Variants in HPGD observed in about 807,000 individuals in gnomAD.
HPGD encodes the protein 15-hydroxyprostaglandin dehydrogenase [NAD(+)].
In HPGD, 29 loss-of-function variants were observed where a neutral mutation model predicts 30.0. That is an observed-to-expected ratio of 0.97 (90% CI 0.72 to 1.32). The LOEUF is 1.32. Ranked by LOEUF, HPGD falls within the 40% of genes most tolerant of loss-of-function variation. The probability of loss-of-function intolerance (pLI) is 0.00; values close to 1 mark genes in which losing one functional copy is unlikely to be tolerated. For synonymous variants in HPGD, 99 were observed against 112.4 expected, an observed-to-expected ratio of 0.88 and a Z score of 0.75; for missense variants, 340 against 322.1, an observed-to-expected ratio of 1.06 and a Z score of -0.43.
chr4:174,504,349 C>T (rs1222482230), intron 4 of HPGD, among the ~76,000 whole-genome samples: 3 of 152,018 alleles, frequency 2.0e-5, no homozygotes, highest in Admixed American at 2.0e-4. Context: ...CTGGAGACTC[C>T]AATGTTTTGA....
At chr4:174,517,891 G>T in intron 3 of HPGD, 80 bp downstream of exon 3, 1 of 747,420 alleles carries the variant, frequency 1.3e-6, no homozygotes, top group Non-Finnish European at 2.3e-6. Flanking sequence ...TTGTTTCCAT[G>T]ACTCCAAGAA....
Position 174,493,314 on chromosome 4 carries a change from A to G in HPGD, c.499T>C (p.Leu167=), listed in dbSNP as rs1291603160. 6.2e-7 allele frequency: 1 copy of G among 1,613,014 alleles called. No individual in the cohort carries two copies. The change falls in exon 6 of 7, where the codon TTG becomes CTG. Residue 167 remains leucine (L), a splice_region_variant and synonymous_variant. Transcript: ENST00000296522. Reference sequence around the variant, plus strand: ...CCACTGTTCATAAGATTAGCAGCCAACTGCCAATTAGAAGGTTGTAGGTTT... The same window carrying G: ...CCACTGTTCATAAGATTAGCAGCCAGCTGCCAATTAGAAGGTTGTAGGTTT... ...GIVGFTRSAA[L]AANLMNSGVR... is the part of the protein sequence containing the mutation.
At chr4:174,522,299 G>A in intron 1 of HPGD, 60 bp downstream of exon 1, 1 of 1,481,986 alleles carries the variant, frequency 6.7e-7, no homozygotes. Context: ...ACCTCGGGCG[G>A]CGGGGCGAGT....
chr4:174,493,149 A>G lies in HPGD; in HGVS notation c.662+2T>C, dbSNP rs1579268244. On this transcript the variant is annotated splice_donor_variant, in intron 6 of 6. Coordinates refer to ENST00000296522, the MANE Select transcript of HPGD (RefSeq NM_000860.6). LOFTEE classifies it high-confidence loss of function. ...AAAGAAAATAGACATAGTTTTACTT[A>G]CTCCAAAATTCCATAGTATTTAATC... 4 of 1,574,834 alleles carry G rather than the reference A, an allele frequency of 2.5e-6. No individual in the cohort carries two copies. In the East Asian group the frequency reaches 9.0e-5, roughly 36 times the overall value.
intron 4 of HPGD, among the ~76,000 whole-genome samples, chr4:174,497,567 T>TC (rs1734662334): frequency 4.5e-5 from 3 of 66,894 alleles, no homozygotes; most frequent in Non-Finnish European, 6.0e-5. Context: ...TCTTTTTCTT[T>TC]CTTTTTTTTT....
chr4:174,511,072 TTACCTTCCTCCCTGGGAAGCTCA>T (rs1348541572), intron 3 of HPGD, among the ~76,000 whole-genome samples: 1 of 152,178 alleles, frequency 6.6e-6, no homozygotes, highest in East Asian at 1.9e-4. Flanking sequence ...GATAGGGAGT[TTACCTTCCTCCCTGGGAAGCTCA>T]ATATGAGAGA....
At chr4:174,515,331 C>A (rs964626609) in intron 3 of HPGD, among the ~76,000 whole-genome samples, 1 of 152,114 alleles carries the variant, frequency 6.6e-6, no homozygotes, top group Non-Finnish European at 1.5e-5. Context: ...ACCAATGGAA[C>A]AGCATGGAGA....
At chr4:174,499,499 C>A (rs1342181264) in intron 4 of HPGD, among the ~76,000 whole-genome samples, 2 of 152,276 alleles carry the variant, frequency 1.3e-5, no homozygotes, top group East Asian at 3.9e-4. Context: ...CACCTTGTTT[C>A]TCTTTTCAAT....
At chr4:174,518,336 T>C (rs139929832) in intron 2 of HPGD, among the ~76,000 whole-genome samples, 2 of 152,188 alleles carry the variant, frequency 1.3e-5, no homozygotes, top group African/African-American at 4.8e-5. Context: ...CTTTAACATA[T>C]TCTTACATGA....
intron 2 of HPGD, among the ~76,000 whole-genome samples, chr4:174,520,876 A>G (rs1228502709): frequency 2.0e-5 from 3 of 152,160 alleles, no homozygotes; most frequent in African/African-American, 4.8e-5. Flanking sequence ...CATCTGTGTT[A>G]TAGGTCTTTA....
At chr4:174,501,310 CACA>C (rs1234492403) in intron 4 of HPGD, among the ~76,000 whole-genome samples, 1 of 151,866 alleles carries the variant, frequency 6.6e-6, no homozygotes, top group Non-Finnish European at 1.5e-5. Context: ...AATATTCTGT[CACA>C]ACATTAAGGG....
At chr4:174,503,397 C>T (rs1412220481) in intron 4 of HPGD, among the ~76,000 whole-genome samples, 4 of 152,180 alleles carry the variant, frequency 2.6e-5, no homozygotes, top group Non-Finnish European at 4.4e-5. Flanking sequence ...GTTTGAGATT[C>T]ATTGTTCAAC....
intron 3 of HPGD, 80 bp from the exon 4 acceptor site, chr4:174,508,872 T>G: frequency 1.3e-6 from 1 of 795,304 alleles, no homozygotes; most frequent in Non-Finnish European, 2.3e-6. Context: ...TTTTTATAGC[T>G]ATTCCAGATA....
intron 4 of HPGD, chr4:174,507,305 C>T (rs958347166): frequency 6.6e-6 from 1 of 152,116 alleles, no homozygotes; most frequent in East Asian, 1.9e-4. Context: ...TTTGTAATAG[C>T]TTTAGGGACA....
intron 5 of HPGD, chr4:174,493,543 T>C (rs534591702): frequency 1.3e-5 from 6 of 454,398 alleles, no homozygotes; most frequent in Admixed American, 3.6e-5. Flanking sequence ...TCAGTATTAC[T>C]GGACAACTCC....
At chr4:174,502,494 C>G (rs895074500) in intron 4 of HPGD, among the ~76,000 whole-genome samples, 12 of 151,896 alleles carry the variant, frequency 7.9e-5, no homozygotes, top group African/African-American at 2.7e-4. Context: ...CTGGCTAACA[C>G]GGTGAAACCC....
At chr4:174,497,878 ACTTTCTCTCTCTCT>A (rs1734713456) in intron 4 of HPGD, among the ~76,000 whole-genome samples, 9 of 139,546 alleles carry the variant, frequency 6.4e-5, no homozygotes, top group South Asian at 4.8e-4. Context: ...GGCCGGCCTC[ACTTTCTCTCTCTCT>A]CTTTCTCTCT....
At chr4:174,498,833 A>T (rs1177967928) in intron 4 of HPGD, among the ~76,000 whole-genome samples, 1 of 152,142 alleles carries the variant, frequency 6.6e-6, no homozygotes. Context: ...CTCTCAATGT[A>T]GAAATTTACT....
intron 4 of HPGD, chr4:174,506,837 C>T (rs1052113826): frequency 1.3e-5 from 2 of 152,204 alleles, no homozygotes; most frequent in African/African-American, 4.8e-5. Flanking sequence ...ATTGATCCAA[C>T]TCTGAGGCTT....
Sources: allele counts gnomAD v4.1 joint callset (sites outside exome capture counted in the v4.1 genomes callset), GRCh38; gene constraint gnomAD v4.1.1; transcripts MANE v1.5; gene names NCBI Gene and HGNC (gene_info 2026-07-23, HGNC 2026-07-21).